PPP2R2C: variants seen among roughly 807,000 people sequenced by gnomAD.
PPP2R2C encodes protein phosphatase 2 regulatory subunit Bgamma, also known as protein phosphatase 2, regulatory subunit B, gamma.
Under a neutral mutation model 45.3 loss-of-function variants are expected in PPP2R2C, and 10 were observed. That is an observed-to-expected ratio of 0.22 (90% CI 0.14 to 0.37). The LOEUF is 0.37. PPP2R2C is among the 10% of genes least tolerant of loss of function. The probability of loss-of-function intolerance (pLI) is 1.00; values close to 1 mark genes in which losing one functional copy is unlikely to be tolerated. For synonymous variants in PPP2R2C, 257 were observed against 245.4 expected, an observed-to-expected ratio of 1.05 and a Z score of -0.44; for missense variants, 308 against 619.7, an observed-to-expected ratio of 0.50 and a Z score of 5.34.
At chr4:6,369,401 T>A (rs1054531393) in intron 5 of PPP2R2C, among the ~76,000 whole-genome samples, 2 of 152,234 alleles carry the variant, frequency 1.3e-5, no homozygotes, top group African/African-American at 4.8e-5. Flanking sequence ...TTATGGTATG[T>A]GATACTTTAA....
chr4:6,491,793 G>A (rs1233034656), intron 2 of PPP2R2C, among the ~76,000 whole-genome samples: 1 of 152,298 alleles, frequency 6.6e-6, no homozygotes, highest in African/African-American at 2.4e-5. Context: ...ATGTGAATAT[G>A]TGCCTACTTC....
intron 1 of PPP2R2C, among the ~76,000 whole-genome samples, chr4:6,447,293 C>A (rs181958506): frequency 6.6e-6 from 1 of 152,142 alleles, no homozygotes; most frequent in African/African-American, 2.4e-5. Flanking sequence ...CGTGGGGACA[C>A]GCTGCCACCT....
chr4:6,416,668 C>T (rs1241806110), intron 1 of PPP2R2C, among the ~76,000 whole-genome samples: 1 of 152,238 alleles, frequency 6.6e-6, no homozygotes, highest in East Asian at 1.9e-4. Flanking sequence ...GCTGGCCAGG[C>T]ATGAGCTGCC....
At chr4:6,533,223 T>C (rs187082483) in intron 2 of PPP2R2C, among the ~76,000 whole-genome samples, 1 of 152,192 alleles carries the variant, frequency 6.6e-6, no homozygotes, top group African/African-American at 2.4e-5. Flanking sequence ...GAAGAGAACA[T>C]GGCAGGAGTA....
chr4:6,527,582 C>A (rs936128576), intron 2 of PPP2R2C, among the ~76,000 whole-genome samples: 2 of 104,894 alleles, frequency 1.9e-5, no homozygotes, highest in African/African-American at 8.0e-5. Flanking sequence ...GCCTGGGTAA[C>A]CCCGCCCGAC....
intron 1 of PPP2R2C, among the ~76,000 whole-genome samples, chr4:6,414,504 G>A (rs541340051): frequency 6.6e-6 from 1 of 152,162 alleles, no homozygotes; most frequent in Non-Finnish European, 1.5e-5. Context: ...CCTCAAGGAT[G>A]GCTACAGGCA....
chr4:6,543,353 T>C (rs1414040515), intron 1 of PPP2R2C, among the ~76,000 whole-genome samples: 1 of 152,004 alleles, frequency 6.6e-6, no homozygotes, highest in Admixed American at 6.5e-5. Flanking sequence ...CAGCTCAGCC[T>C]CTGCCTCCTA....
chr4:6,539,339 C>T (rs563716433), intron 1 of PPP2R2C, among the ~76,000 whole-genome samples: 1 of 152,288 alleles, frequency 6.6e-6, no homozygotes, highest in Admixed American at 6.5e-5. Flanking sequence ...GGCACCAGCC[C>T]TGCCCACACT....
At chr4:6,408,326 C>G (rs920877998) in intron 1 of PPP2R2C, among the ~76,000 whole-genome samples, 2 of 152,286 alleles carry the variant, frequency 1.3e-5, no homozygotes, top group Non-Finnish European at 2.9e-5. Context: ...CTCCTCCTCC[C>G]CTTCCCTGGC....
chr4:6,398,835 A>G (rs1420138276), intron 1 of PPP2R2C, among the ~76,000 whole-genome samples: 4 of 152,230 alleles, frequency 2.6e-5, no homozygotes, highest in African/African-American at 9.6e-5. Flanking sequence ...GAATTAGAAA[A>G]AACTCAAATA....
intron 5 of PPP2R2C, among the ~76,000 whole-genome samples, chr4:6,370,652 T>C (rs1441813988): frequency 6.6e-6 from 1 of 152,070 alleles, no homozygotes; most frequent in Admixed American, 6.5e-5. Flanking sequence ...CACCTGAGAT[T>C]GAAACACAGA....
intron 1 of PPP2R2C, among the ~76,000 whole-genome samples, chr4:6,543,061 A>G (rs950284590): frequency 6.6e-6 from 1 of 152,158 alleles, no homozygotes; most frequent in Non-Finnish European, 1.5e-5. Context: ...CCCCGCAAGG[A>G]GGGATCTTTG....
chr4:6,337,108 G>GTATATATATA (rs1245832072), intron 6 of PPP2R2C, among the ~76,000 whole-genome samples: 1 of 33,202 alleles, frequency 3.0e-5, no homozygotes, highest in Admixed American at 3.8e-4. Flanking sequence ...CTGTATGTGT[G>GTATATATATA]TGTGTATATA....
At chr4:6,538,862 G>A (rs1295097783) in intron 1 of PPP2R2C, among the ~76,000 whole-genome samples, 2 of 152,176 alleles carry the variant, frequency 1.3e-5, no homozygotes, top group East Asian at 1.9e-4. Flanking sequence ...GGACCTTGTC[G>A]GTGTATCACT....
chr4:6,342,127 C>CAT (rs1307447023), intron 6 of PPP2R2C, among the ~76,000 whole-genome samples: 1 of 114,198 alleles, frequency 8.8e-6, no homozygotes, highest in Non-Finnish European at 1.8e-5. Context: ...CACACACACA[C>CAT]ATACATATAT....
chr4:6,420,435 G>A (rs934285899), intron 1 of PPP2R2C, among the ~76,000 whole-genome samples: 10 of 152,130 alleles, frequency 6.6e-5, no homozygotes, highest in Non-Finnish European at 8.8e-5. Context: ...CTGCATGTGC[G>A]GCCTCTCGCC....
chr4:6,474,141 G>T (rs1213619649), upstream of PPP2R2C, among the ~76,000 whole-genome samples: 1 of 151,736 alleles, frequency 6.6e-6, no homozygotes, highest in Admixed American at 6.6e-5. Flanking sequence ...ACCCACATTG[G>T]CCCCCACCCA....
rs971732828 is a variant in PPP2R2C, at chr4:6,320,857, G to A, written c.*2445C>T. On this transcript the variant is annotated 3_prime_UTR_variant, in exon 9 of 9. Coordinates refer to ENST00000382599, the MANE Select transcript of PPP2R2C (RefSeq NM_020416.4). ...ACAACTTCACAATGACTATGTGAAC[G>A]CCCGTACATTCGAGAGTACCAGGAA... 2 of 151,440 alleles carry A rather than the reference G, an allele frequency of 1.3e-5. No homozygotes were observed. The highest frequency in any genetic ancestry group is 6.6e-5 in the Admixed American group (1 of 15,200). 9.4% of individuals were successfully genotyped at this position (151,440 alleles called of 1,614,324 possible).
chr4:6,349,954 A>G (rs909684224), intron 5 of PPP2R2C: 12 of 985,134 alleles, frequency 1.2e-5, no homozygotes, highest in East Asian at 1.1e-4. Context: ...AATGCCAGGG[A>G]AAAAAATGGC....
Sources: allele counts gnomAD v4.1 joint callset (sites outside exome capture counted in the v4.1 genomes callset), GRCh38; gene constraint gnomAD v4.1.1; transcripts MANE v1.5; gene names NCBI Gene and HGNC (gene_info 2026-07-23, HGNC 2026-07-21).